Variants in SYVN1 observed in about 807,000 individuals in gnomAD.
SYVN1 encodes E3 ubiquitin-protein ligase synoviolin.
In SYVN1, 17 loss-of-function variants were observed where a neutral mutation model predicts 62.6. The observed-to-expected ratio is 0.27, with a 90% CI of 0.19 to 0.41. The LOEUF is 0.41. SYVN1 is among the 10% of genes least tolerant of loss of function. SYVN1 has a pLI of 1.00. For missense variants in SYVN1, 634 were observed against 818.0 expected (o/e 0.78, Z 2.74); for synonymous variants, 316 against 304.0 (o/e 1.04, Z -0.41).
chr11:65,132,439 C>A, intron 5 of SYVN1, 88 bp from the exon 6 acceptor site: 1 of 921,424 alleles, frequency 1.1e-6, no homozygotes, highest in South Asian at 1.4e-5. Flanking sequence ...CACCCTCAAG[C>A]CCACCATGGC....
rs766392675 is a variant in SYVN1 at position 65,130,382 on chromosome 11, G to A, written c.1106-3C>T. 5 of 1,527,006 alleles carry A rather than the reference G, an allele frequency of 3.3e-6. No homozygotes were observed. In the East Asian group the frequency reaches 6.8e-5, roughly 21 times the overall value. 94.6% of individuals were successfully genotyped at this position (1,527,006 alleles called of 1,614,324 possible). On this transcript the variant is annotated splice_region_variant and splice_polypyrimidine_tract_variant and intron_variant, in intron 11 of 15. Transcript: ENST00000377190. ...AGGAGGCAGGAGGCCCTGGGGGACT[G>A]CAGAGAGAAGACGGAGGTAAGGAAA...
rs1282429236 is a variant in SYVN1 at position 65,130,959 on chromosome 11, C to A, written c.902G>T (p.Gly301Val). The A allele has an allele frequency of 6.2e-7, 1 of 1,614,024 alleles. No individual in the cohort carries two copies. The highest frequency in any genetic ancestry group is 8.5e-7 in the Non-Finnish European group (1 of 1,180,014). Residue 301 changes from glycine to valine, a missense_variant, in exon 10 of 16, where the codon GGT becomes GTT. By Grantham distance (109) the Gly-to-Val change is moderately radical. Around this residue, in one of 2 missense-constraint regions of SYVN1, gnomAD observed 283 missense variants for 444.7 expected, o/e 0.64. Coordinates refer to ENST00000377190, the MANE Select transcript of SYVN1 (RefSeq NM_172230.3). Reference protein sequence around the residue: ...CIICREEMVTGAKRLPCNHIF... With the variant: ...CIICREEMVTVAKRLPCNHIF... ...GTGGTTGCAGGGCAGTCTCTTGGCA[C>A]CAGTCACCATCTCTTCTCGGCAGAT... is the stretch of plus-strand genomic sequence containing the variant.
At chr11:65,129,148 T>G (rs1948142388) in intron 14 of SYVN1, 1 of 180,242 alleles carries the variant, frequency 5.5e-6, no homozygotes, top group Admixed American at 5.4e-5. Context: ...TGGAATTTAG[T>G]GGCACAATCA....
In SYVN1 at chr11:65,129,634, G is replaced by A. The variant is rs114790934; in HGVS notation, c.1595+95C>T. On this transcript the variant is annotated intron_variant, in intron 14 of 15. Transcript: ENST00000377190. ...GCCTGTAGATAGGCAGCCTGAATTG[G>A]CAGGTGTCAAAGGCCAAGAACCACT... The A allele has an allele frequency of 2.0e-3, 2,486 of 1,234,318 alleles. 39 individuals are homozygous for A. The African/African-American group carries it at 0.031, about 16-fold the overall frequency. 76.5% of individuals were successfully genotyped at this position (1,234,318 alleles called of 1,614,324 possible).
In SYVN1 at chr11:65,133,618, C is replaced by CCT. The variant is rs1445301234; in HGVS notation, c.-17-2_-17-1dup. 5.0e-6 allele frequency: 8 copies of CCT among 1,605,402 alleles called. No individual in the cohort carries two copies. The highest frequency in any genetic ancestry group is 5.9e-6 in the Non-Finnish European group (7 of 1,179,110). On this transcript the variant is annotated splice_region_variant and 5_prime_UTR_variant. Transcript: ENST00000377190. The stretch of plus-strand genomic sequence containing the variant: ...GCGGAACATTGCCCTGGCCCGGAGA[C>CCT]CTGCATGGGGCAAGAAAATAACTTA...
intron 5 of SYVN1, 175 bp from the exon 6 acceptor site, chr11:65,132,526 G>C (rs1948194369): frequency 7.8e-6 from 6 of 766,024 alleles, no homozygotes; most frequent in Admixed American, 2.3e-5. Context: ...GGGAGTTGTT[G>C]GGGCTGCCCA....
Position 65,128,616 on chromosome 11 carries a change from G to A in SYVN1, c.1694C>T (p.Thr565Met), listed in dbSNP as rs374312195. 5.6e-5 allele frequency: 91 copies of A among 1,613,990 alleles called. No individual in the cohort carries two copies. The highest frequency in any genetic ancestry group is 6.7e-5 in the Admixed American group (4 of 59,982). ...SSTSIPSSEA[T>M]TPTPGASPPA... ...TGGGGAGGCTCCTGGGGTTGGGGTC[G>A]TGGCCTCTGAGCTAGGGATGCTGGT... Residue 565 changes from threonine to methionine, a missense_variant, in exon 15 of 16, where the codon ACG becomes ATG. Transcript: ENST00000377190.
Position 65,133,272 on chromosome 11 carries a change from G to A in SYVN1, c.133-20C>T, listed in dbSNP as rs761233564. 3 of 1,612,720 alleles carry A rather than the reference G, an allele frequency of 1.9e-6. No individual in the cohort carries two copies. In the South Asian group the frequency reaches 3.3e-5, roughly 18 times the overall value. ...CAGGACCTAGGAGTGGGGAGAGGCT[G>A]TGGTTTGAGGTCACTTTCTGCTTTC... On this transcript the variant is annotated intron_variant, in intron 2 of 15. Transcript: ENST00000377190.
Position 65,128,856 on chromosome 11 carries a change from A to G in SYVN1, c.1596-142T>C, listed in dbSNP as rs146736435. On this transcript the variant is annotated intron_variant, in intron 14 of 15. Coordinates refer to ENST00000377190, the MANE Select transcript of SYVN1 (RefSeq NM_172230.3). ...CAGTGCCTGGCAAACACAAGTGAAC[A>G]TGCTGAATGAACTCAGACAGGGTGA... The G allele has an allele frequency of 7.9e-4, 675 of 851,166 alleles. 1 individual carries two copies. Among genetic ancestry groups the G allele is most frequent in the Middle Eastern group, 2.9e-3 (8 of 2,758 alleles). The allele number at this position is 851,166 out of a possible 1,614,324, so 52.7% of individuals were successfully genotyped here.
rs2137235387 is a variant in SYVN1 at position 65,128,552 on chromosome 11, A to G, written c.1747+11T>C. ...TCCCTGCTCCCCCGGCTGGAGGCCA[A>G]TCACACCTACCTGGAGGCCTTTCCA... On this transcript the variant is annotated intron_variant, in intron 15 of 15. Coordinates refer to ENST00000377190, the MANE Select transcript of SYVN1 (RefSeq NM_172230.3). 3.1e-6 allele frequency: 5 copies of G among 1,613,748 alleles called. No individual in the cohort carries two copies. Among genetic ancestry groups the G allele is most frequent in the South Asian group, 2.2e-5 (2 of 91,064 alleles).
At chr11:65,133,139 T>C in intron 3 of SYVN1, 21 bp downstream of exon 3, 6 of 1,614,150 alleles carry the variant, frequency 3.7e-6, no homozygotes, top group Non-Finnish European at 5.1e-6. Context: ...GCCCTCACCT[T>C]TGGGGCAGCC....
intron 6 of SYVN1, 121 bp downstream of exon 6, chr11:65,132,127 C>T: frequency 1.3e-6 from 1 of 783,382 alleles, no homozygotes; most frequent in Non-Finnish European, 2.3e-6. Context: ...TGATCACTGC[C>T]CCTTGGTGGC....
In SYVN1 at chr11:65,131,135, G is replaced by T; in HGVS notation, c.821C>A (p.Thr274Asn). The change falls in exon 9 of 16, where the codon ACC becomes AAC. Residue 274 changes from threonine (T) to asparagine (N), a missense_variant. Transcript: ENST00000377190. Reference sequence around the variant, plus strand: ...CAGCCATGACAAGCCTACTTACAGGGTGTTCATGTTGCGGATGGCTCGGCG... The same window carrying T: ...CAGCCATGACAAGCCTACTTACAGGTTGTTCATGTTGCGGATGGCTCGGCG... ...MSRRAIRNMN[T>N]LYPDATPEEL... 3.7e-6 allele frequency: 6 copies of T among 1,614,206 alleles called. No homozygotes were observed. Among genetic ancestry groups the T allele is most frequent in the African/African-American group, 1.3e-5 (1 of 75,058 alleles).
In SYVN1 at chr11:65,130,262, G is replaced by A; in HGVS notation, c.1223C>T (p.Ser408Phe). The change falls in exon 12 of 16, where the codon TCC (serine) becomes TTC (phenylalanine). Residue 408 changes from serine (S) to phenylalanine (F), a missense_variant. Ser to Phe is a radical substitution (Grantham distance 155). Coordinates refer to ENST00000377190, the MANE Select transcript of SYVN1 (RefSeq NM_172230.3). ...PSSGEAVAPP[S>F]TSAAALSRPS... The stretch of plus-strand genomic sequence containing the variant: ...ACCCAAAGGCTCACCTGCACTGGTG[G>A]ATGGAGGAGCCACAGCCTCTCCTGA... The A allele has an allele frequency of 6.2e-7, 1 of 1,603,434 alleles. No homozygotes were observed. Among genetic ancestry groups the A allele is most frequent in the Non-Finnish European group, 8.5e-7 (1 of 1,174,990 alleles).
At position 65,128,663 on chromosome 11, in the gene SYVN1, T is replaced by G. The variant is rs926772801; in HGVS notation, c.1647A>C (p.Thr549=). The G allele has an allele frequency of 3.7e-6, 6 of 1,613,658 alleles. No individual in the cohort carries two copies. Among genetic ancestry groups the G allele is most frequent in the Non-Finnish European group, 5.1e-6 (6 of 1,179,860 alleles). Residue 549 remains threonine, a synonymous_variant, in exon 15 of 16, where the codon ACA becomes ACC. Coordinates refer to ENST00000377190, the MANE Select transcript of SYVN1 (RefSeq NM_172230.3). ...TGGTGGAGGAGGCAGCAGCAACAAC[T>G]GTAGTGGCAGTCTCCTCAGTGGAGT... is the stretch of plus-strand genomic sequence containing the variant. ...SVNSTEETAT[T]VVAAASSTSI...
At position 65,130,079 on chromosome 11, in the gene SYVN1, G is replaced by C; in HGVS notation, c.1331C>G (p.Ser444Cys). Residue 444 changes from serine to cysteine, a missense_variant, in exon 13 of 16, where the codon TCT becomes TGT. Around this residue, in one of 2 missense-constraint regions of SYVN1, gnomAD observed 351 missense variants for 373.3 expected, o/e 0.94. Transcript: ENST00000377190. ...AGGGGCAGGGCCAGCCTCTGGGGCAGAGCCAGAGCCTGGGCCAGATGCTGT... is the reference window on the plus strand; with the variant it reads ...AGGGGCAGGGCCAGCCTCTGGGGCACAGCCAGAGCCTGGGCCAGATGCTGT... ...SATASGPGSG[S>C]APEAGPAPGF... The C allele has an allele frequency of 1.2e-6, 2 of 1,609,760 alleles. No homozygotes were observed. The highest frequency in any genetic ancestry group is 1.3e-5 in the African/African-American group (1 of 74,968).
Position 65,130,444 on chromosome 11 carries a change from G to T in SYVN1, c.1106-65C>A. On this transcript the variant is annotated intron_variant, in intron 11 of 15. Transcript: ENST00000377190. ...ACACAGACCCAACTCCCAGGCAGGG[G>T]GCCTGGCTATTGAGAGCTCTGTCCT... 2.0e-6 allele frequency: 3 copies of T among 1,475,398 alleles called. No individual in the cohort carries two copies. The South Asian group carries it at 4.2e-5, about 21-fold the overall frequency. 91.4% of individuals were successfully genotyped at this position (1,475,398 alleles called of 1,614,324 possible).
At chr11:65,132,029 C>G (rs894693831) in intron 6 of SYVN1, among the ~76,000 whole-genome samples, 1 of 152,176 alleles carries the variant, frequency 6.6e-6, no homozygotes, top group African/African-American at 2.4e-5. Context: ...CTCCTGAGCC[C>G]CAGGTTGGGG....
Position 65,128,001 on chromosome 11 carries a change from T to A in SYVN1, c.*381A>T, listed in dbSNP as rs1005115406. 3.0e-5 allele frequency: 9 copies of A among 305,082 alleles called. No individual in the cohort carries two copies. Among genetic ancestry groups the A allele is most frequent in the Admixed American group, 9.6e-5 (2 of 20,902 alleles). 18.9% of individuals were successfully genotyped at this position (305,082 alleles called of 1,614,324 possible). A position where few individuals can be genotyped will look rare whatever the true frequency, so the allele number is the denominator to read the frequency against. On this transcript the variant is annotated 3_prime_UTR_variant, in exon 16 of 16. Coordinates refer to ENST00000377190, the MANE Select transcript of SYVN1 (RefSeq NM_172230.3). ...GGAGTCCACACTTGGGAACGGGAGC[T>A]AATACTGTTCGGCACTGCAGTGTGA...
Sources: allele counts gnomAD v4.1 joint callset (sites outside exome capture counted in the v4.1 genomes callset), GRCh38; gene constraint gnomAD v4.1.1; regional missense constraint gnomAD v4.1.1; transcripts MANE v1.5; gene names NCBI Gene and HGNC (gene_info 2026-07-23, HGNC 2026-07-21).